RANBP2: variants seen among roughly 807,000 people sequenced by gnomAD.
The protein encoded by RANBP2 is RAN binding protein 2, also known as E3 SUMO-protein ligase RanBP2.
A neutral mutation model predicts 303.6 loss-of-function variants in RANBP2; 57 were observed. That is an observed-to-expected ratio of 0.19 (90% CI 0.15 to 0.23). RANBP2 has a LOEUF of 0.23. RANBP2 is among the 10% of genes least tolerant of loss of function. The pLI is 1.00. For synonymous variants in RANBP2, 1,167 were observed against 1,301.5 expected (o/e 0.90, Z 2.23); for missense variants, 3,138 against 3,780.8 (o/e 0.83, Z 4.46).
the RANBP2 span, among the ~76,000 whole-genome samples, chr2:109,013,031 T>C: frequency 5.3e-5 from 8 of 152,216 alleles, no homozygotes; most frequent in Admixed American, 1.3e-4. Flanking sequence ...CGAAACTCCA[T>C]GCTCACCACA....
the RANBP2 span, among the ~76,000 whole-genome samples, chr2:109,230,878 C>G: frequency 6.6e-6 from 1 of 152,196 alleles, no homozygotes; most frequent in Non-Finnish European, 1.5e-5. Flanking sequence ...ATAGGACTCC[C>G]TTTGGGGGCT....
chr2:109,112,811 A>T, the RANBP2 span, among the ~76,000 whole-genome samples: 6 of 152,044 alleles, frequency 3.9e-5, no homozygotes, highest in Non-Finnish European at 7.4e-5. Flanking sequence ...AATTTTTGTA[A>T]AAGGTGTAAG....
chr2:109,010,317 AC>A, the RANBP2 span, among the ~76,000 whole-genome samples: 1 of 73,444 alleles, frequency 1.4e-5, no homozygotes, highest in Non-Finnish European at 2.8e-5. Flanking sequence ...TAACTGCCCC[AC>A]CCCCACCCCC....
At chr2:109,453,871 G>A in the RANBP2 span, among the ~76,000 whole-genome samples, 6 of 152,198 alleles carry the variant, frequency 3.9e-5, no homozygotes, top group Admixed American at 1.3e-4. Context: ...AGGATCCTTG[G>A]CTGAGGGTCA....
the RANBP2 span, among the ~76,000 whole-genome samples, chr2:109,595,614 G>A: frequency 6.6e-6 from 1 of 152,150 alleles, no homozygotes; most frequent in Non-Finnish European, 1.5e-5. Context: ...AGTGAGTCAG[G>A]AAAGAGGTAT....
chr2:109,557,073 T>C, the RANBP2 span, among the ~76,000 whole-genome samples: 1 of 151,806 alleles, frequency 6.6e-6, no homozygotes, highest in African/African-American at 2.4e-5. Flanking sequence ...CTAATGTAAA[T>C]GATGAGTTAA....
the RANBP2 span, among the ~76,000 whole-genome samples, chr2:108,866,253 A>G: frequency 1.2e-4 from 18 of 152,172 alleles, no homozygotes; most frequent in African/African-American, 4.3e-4. Context: ...CCTCCCTTTT[A>G]TAAGGATACT....
the RANBP2 span, among the ~76,000 whole-genome samples, chr2:109,596,095 G>A: frequency 3.3e-5 from 5 of 152,010 alleles, no homozygotes; most frequent in Non-Finnish European, 5.9e-5. Flanking sequence ...GCAGTGGTGC[G>A]ATCACAGCTC....
chr2:109,722,082 G>T, the RANBP2 span, among the ~76,000 whole-genome samples: 488 of 152,326 alleles, frequency 3.2e-3, 3 homozygotes, highest in Admixed American at 6.5e-3. Context: ...GTGGAGAGGA[G>T]GATGGCAGGC....
the RANBP2 span, among the ~76,000 whole-genome samples, chr2:109,096,802 T>C: frequency 1.5e-3 from 136 of 91,512 alleles, no homozygotes; most frequent in African/African-American, 6.7e-3. Flanking sequence ...TGGAAACGCT[T>C]TTTTTTTTTT....
At chr2:109,062,907 C>T in the RANBP2 span, among the ~76,000 whole-genome samples, 3 of 152,138 alleles carry the variant, frequency 2.0e-5, no homozygotes, top group East Asian at 1.9e-4. Flanking sequence ...TGCCTCAGGG[C>T]GACCACCTGT....
the RANBP2 span, among the ~76,000 whole-genome samples, chr2:108,962,471 A>T: frequency 1.3e-5 from 2 of 152,052 alleles, no homozygotes; most frequent in African/African-American, 4.8e-5. Context: ...CAGGAGATCG[A>T]GACCATCCTG....
At chr2:109,249,979 C>T in the RANBP2 span, among the ~76,000 whole-genome samples, 36,873 of 151,672 alleles carry the variant, frequency 0.24, 4,904 homozygotes, top group East Asian at 0.46. Flanking sequence ...CCACCGCGCC[C>T]GGCCTGCACC....
chr2:109,651,066 C>T, the RANBP2 span, among the ~76,000 whole-genome samples: 2 of 152,070 alleles, frequency 1.3e-5, no homozygotes, highest in Admixed American at 1.3e-4. Context: ...TAACTCCTGC[C>T]AGGACCAATT....
chr2:109,522,048 G>T, the RANBP2 span, among the ~76,000 whole-genome samples: 148 of 152,256 alleles, frequency 9.7e-4, no homozygotes, highest in African/African-American at 3.3e-3. Flanking sequence ...ACTTCGCAAT[G>T]TTTAAAGTTT....
the RANBP2 span, among the ~76,000 whole-genome samples, chr2:109,376,019 G>A: frequency 6.6e-6 from 1 of 152,268 alleles, no homozygotes; most frequent in Non-Finnish European, 1.5e-5. Context: ...CAGACGTCAT[G>A]GGCTAGCCAT....
chr2:109,046,411 C>CT, the RANBP2 span, among the ~76,000 whole-genome samples: 1,369 of 108,398 alleles, frequency 0.013, 20 homozygotes, highest in African/African-American at 0.036. Flanking sequence ...CTTTTCTTTT[C>CT]TTTTTTTTTT....
the RANBP2 span, among the ~76,000 whole-genome samples, chr2:109,474,339 G>A: frequency 6.6e-6 from 1 of 152,150 alleles, no homozygotes; most frequent in Non-Finnish European, 1.5e-5. Context: ...AAACCCCTGT[G>A]GGTTTCTGTG....
chr2:109,484,080 T>G, the RANBP2 span, among the ~76,000 whole-genome samples: 1 of 150,194 alleles, frequency 6.7e-6, no homozygotes, highest in African/African-American at 2.5e-5. Flanking sequence ...TTTTTTTTTT[T>G]TTTTTGAGAC....
Sources: allele counts gnomAD v4.1 joint callset (sites outside exome capture counted in the v4.1 genomes callset), GRCh38; gene constraint gnomAD v4.1.1; transcripts MANE v1.5; gene names NCBI Gene and HGNC (gene_info 2026-07-23, HGNC 2026-07-21).